The following MAML3 variants were observed in gnomAD, a reference collection of about 807,000 sequenced individuals.
MAML3 encodes the protein mastermind-like protein 3.
MAML3 carries 27 observed loss-of-function variants against 101.9 expected under a neutral mutation model. The observed-to-expected ratio is 0.27, with a 90% CI of 0.20 to 0.37. The LOEUF (loss-of-function observed/expected upper bound fraction) is 0.37, where lower values mean the gene tolerates loss of function less well. MAML3 is among the 10% of genes least tolerant of loss of function. MAML3 has a pLI of 1.00. For missense variants in MAML3, 1,316 were observed against 1,444.9 expected (o/e 0.91, Z 1.45); for synonymous variants, 501 against 555.9 (o/e 0.90, Z 1.39).
At chr4:139,848,862 G>A (rs185931051) in intron 2 of MAML3, among the ~76,000 whole-genome samples, 130 of 152,264 alleles carry the variant, frequency 8.5e-4, no homozygotes, top group African/African-American at 2.9e-3. Flanking sequence ...CATGCTTTAC[G>A]CTATGAAATT....
At chr4:139,832,122 T>TTTTTTG (rs1731177511) in intron 2 of MAML3, among the ~76,000 whole-genome samples, 1 of 114,440 alleles carries the variant, frequency 8.7e-6, no homozygotes, top group Non-Finnish European at 1.8e-5. Context: ...TTTTTTTTTT[T>TTTTTTG]GAGACAGAGT....
chr4:139,768,739 G>T (rs964229680), intron 2 of MAML3, among the ~76,000 whole-genome samples: 1 of 152,230 alleles, frequency 6.6e-6, no homozygotes, highest in African/African-American at 2.4e-5. Flanking sequence ...GCACCCCATG[G>T]TGCTGGCTGA....
chr4:139,809,511 T>C (rs1354061149), intron 2 of MAML3, among the ~76,000 whole-genome samples: 2 of 152,186 alleles, frequency 1.3e-5, no homozygotes, highest in Non-Finnish European at 2.9e-5. Context: ...ACGTAGCTTA[T>C]GGAGATGTGA....
intron 1 of MAML3, among the ~76,000 whole-genome samples, chr4:139,935,434 A>C (rs2110732576): frequency 6.6e-6 from 1 of 152,246 alleles, no homozygotes; most frequent in Middle Eastern, 3.4e-3. Flanking sequence ...TGCAAACAAT[A>C]CCCAGTAAGC....
chr4:140,016,542 T>TA (rs1726644861), intron 1 of MAML3, among the ~76,000 whole-genome samples: 1 of 152,160 alleles, frequency 6.6e-6, no homozygotes, highest in African/African-American at 2.4e-5. Context: ...CTACTGTATA[T>TA]AGTTATGGTA....
chr4:139,959,702 A>G (rs1733976589), intron 1 of MAML3, among the ~76,000 whole-genome samples: 1 of 152,202 alleles, frequency 6.6e-6, no homozygotes, highest in African/African-American at 2.4e-5. Context: ...TTGAGGAAAG[A>G]ACTATCTGGG....
At chr4:139,966,900 G>A (rs1470599608) in intron 1 of MAML3, among the ~76,000 whole-genome samples, 1 of 151,992 alleles carries the variant, frequency 6.6e-6, no homozygotes, top group Admixed American at 6.6e-5. Context: ...TAGCCCTCCT[G>A]GATATAAGCT....
intron 1 of MAML3, among the ~76,000 whole-genome samples, chr4:139,925,221 CTTTT>C (rs1375551662): frequency 6.6e-6 from 1 of 151,392 alleles, no homozygotes; most frequent in African/African-American, 2.4e-5. Flanking sequence ...TCCCTGTACT[CTTTT>C]TGTTTGTTTG....
intron 1 of MAML3, among the ~76,000 whole-genome samples, chr4:139,984,135 A>G (rs1363419089): frequency 6.6e-6 from 1 of 152,202 alleles, no homozygotes; most frequent in African/African-American, 2.4e-5. Flanking sequence ...GGGCCAGAAC[A>G]GGAGGTGGCA....
chr4:140,012,568 C>T (rs931577640), intron 1 of MAML3, among the ~76,000 whole-genome samples: 3 of 152,240 alleles, frequency 2.0e-5, no homozygotes, highest in Non-Finnish European at 2.9e-5. Context: ...TCTTCATTGT[C>T]TCATGAACTT....
chr4:139,946,889 CCACACACA>C (rs544250515), intron 1 of MAML3, among the ~76,000 whole-genome samples: 2 of 126,828 alleles, frequency 1.6e-5, no homozygotes, highest in African/African-American at 2.9e-5. Context: ...GCAGAGTAAG[CCACACACA>C]CACACACACA....
At chr4:139,804,019 C>T (rs989382741) in intron 2 of MAML3, among the ~76,000 whole-genome samples, 2 of 152,166 alleles carry the variant, frequency 1.3e-5, no homozygotes, top group African/African-American at 4.8e-5. Flanking sequence ...ACAGAAAAAG[C>T]TGGGGATCGG....
At chr4:140,067,029 A>G (rs1477411139) in intron 1 of MAML3, among the ~76,000 whole-genome samples, 1 of 152,186 alleles carries the variant, frequency 6.6e-6, no homozygotes, top group African/African-American at 2.4e-5. Flanking sequence ...CGCAACAATA[A>G]TGTTCATCTA....
intron 1 of MAML3, among the ~76,000 whole-genome samples, chr4:140,091,524 C>T (rs376797263): frequency 4.7e-4 from 8 of 17,072 alleles, no homozygotes; most frequent in Non-Finnish European, 6.7e-4. Context: ...TAAAACAAAA[C>T]AAAACAACAA....
intron 1 of MAML3, among the ~76,000 whole-genome samples, chr4:140,141,717 A>C (rs1385576237): frequency 6.6e-6 from 1 of 152,250 alleles, no homozygotes; most frequent in African/African-American, 2.4e-5. Context: ...TTTGCCAAAT[A>C]CACGGCCTTT....
chr4:140,150,126 G>A (rs1018550295), intron 1 of MAML3, among the ~76,000 whole-genome samples: 3 of 152,018 alleles, frequency 2.0e-5, no homozygotes, highest in African/African-American at 7.2e-5. Flanking sequence ...CTAATCAACA[G>A]GCTAAATCAT....
At position 139,719,977 on chromosome 4, in the gene MAML3, C is replaced by T. The variant is rs1236143502; in HGVS notation, c.2763G>A (p.Val921=). ...GATGTTGCTGGGTAATGGCTGAGTT[C>T]ACCAGCATGCTCTGACCAAAGCCAC... ...MVSGFGQSML[V]NSAITQQHPQ... The change falls in exon 5 of 5, where the codon GTG becomes GTA. Residue 921 remains valine, a synonymous_variant. Transcript: ENST00000509479. 1 of 1,614,070 alleles carries T rather than the reference C, an allele frequency of 6.2e-7. No homozygotes were observed.
chr4:139,974,487 T>C (rs1734294334), intron 1 of MAML3, among the ~76,000 whole-genome samples: 1 of 152,190 alleles, frequency 6.6e-6, no homozygotes, highest in South Asian at 2.1e-4. Context: ...GTATAAGGCA[T>C]GTTATCATTC....
chr4:139,738,328 G>C (rs147994485), intron 2 of MAML3, among the ~76,000 whole-genome samples: 33 of 152,354 alleles, frequency 2.2e-4, no homozygotes, highest in African/African-American at 6.7e-4. Flanking sequence ...TGGATCACCT[G>C]AGGTCAGGAG....
Sources: allele counts gnomAD v4.1 joint callset (sites outside exome capture counted in the v4.1 genomes callset), GRCh38; gene constraint gnomAD v4.1.1; transcripts MANE v1.5; gene names NCBI Gene and HGNC (gene_info 2026-07-23, HGNC 2026-07-21).